Variants in ARHGAP22 observed in about 807,000 individuals in gnomAD.
The protein encoded by ARHGAP22 is rho GTPase-activating protein 22.
ARHGAP22 carries 48 observed loss-of-function variants against 59.1 expected under a neutral mutation model. The ratio of observed to expected loss-of-function variants is 0.81; its 90% CI spans 0.64 to 1.03. The LOEUF (loss-of-function observed/expected upper bound fraction) is 1.03, where lower values mean the gene tolerates loss of function less well. Ranked by LOEUF, ARHGAP22 falls within the 50% of genes least tolerant of loss-of-function variation. ARHGAP22 has a pLI of 0.00. For missense variants in ARHGAP22, 1,015 were observed against 958.7 expected, an observed-to-expected ratio of 1.06 and a Z score of -0.78; for synonymous variants, 445 against 416.4, an observed-to-expected ratio of 1.07 and a Z score of -0.84.
chr10:48,460,756 G>A (rs1388225651), intron 4 of ARHGAP22, among the ~76,000 whole-genome samples: 4 of 146,936 alleles, frequency 2.7e-5, no homozygotes, highest in Non-Finnish European at 6.0e-5. Flanking sequence ...GTACCAAGAC[G>A]TGGTATTTGC....
intron 3 of ARHGAP22, among the ~76,000 whole-genome samples, chr10:48,549,785 C>G (rs2056758188): frequency 6.6e-6 from 1 of 152,166 alleles, no homozygotes; most frequent in Admixed American, 6.5e-5. Context: ...TGAGGCCCAT[C>G]TCATTCACCC....
At chr10:48,513,207 G>A (rs569003721) in intron 3 of ARHGAP22, among the ~76,000 whole-genome samples, 1 of 152,304 alleles carries the variant, frequency 6.6e-6, no homozygotes, top group East Asian at 1.9e-4. Context: ...CTAAAGCTGT[G>A]ATACCAATTG....
intron 3 of ARHGAP22, among the ~76,000 whole-genome samples, chr10:48,509,418 C>T (rs1254416424): frequency 1.3e-5 from 2 of 152,218 alleles, no homozygotes; most frequent in African/African-American, 2.4e-5. Context: ...TGTCTACCAT[C>T]GATGGCTGTG....
intron 6 of ARHGAP22, 129 bp downstream of exon 6, chr10:48,454,873 C>A: frequency 7.8e-7 from 1 of 1,276,092 alleles, no homozygotes. Context: ...ACCACACCCC[C>A]AACACAGCAG....
chr10:48,647,225 C>A (rs189503812), intron 1 of ARHGAP22, among the ~76,000 whole-genome samples: 1 of 152,086 alleles, frequency 6.6e-6, no homozygotes, highest in East Asian at 1.9e-4. Flanking sequence ...GAAACCCTGT[C>A]TCTACTAAAA....
At chr10:48,563,414 C>T (rs1330046843) in intron 2 of ARHGAP22, among the ~76,000 whole-genome samples, 1 of 152,024 alleles carries the variant, frequency 6.6e-6, no homozygotes, top group East Asian at 1.9e-4. Context: ...AGGATGGTCT[C>T]GATCTGACCT....
intron 9 of ARHGAP22, among the ~76,000 whole-genome samples, chr10:48,448,835 G>A (rs1054315148): frequency 6.6e-5 from 10 of 152,156 alleles, no homozygotes; most frequent in African/African-American, 2.4e-4. Flanking sequence ...CTTACCTCCA[G>A]CCACCAGGCA....
intron 2 of ARHGAP22, among the ~76,000 whole-genome samples, chr10:48,571,369 G>A (rs2058382600): frequency 6.6e-6 from 1 of 152,148 alleles, no homozygotes; most frequent in Non-Finnish European, 1.5e-5. Context: ...TTCTCCAGAT[G>A]ACTTATTCAG....
At chr10:48,446,671 G>T in intron 9 of ARHGAP22, 52 bp from the exon 10 acceptor site, 1 of 1,536,536 alleles carries the variant, frequency 6.5e-7, no homozygotes, top group Non-Finnish European at 8.9e-7. Flanking sequence ...CAGGTTCACT[G>T]TCCCATGGGT....
At chr10:48,535,633 C>T (rs2055274718) in intron 3 of ARHGAP22, among the ~76,000 whole-genome samples, 1 of 152,178 alleles carries the variant, frequency 6.6e-6, no homozygotes, top group African/African-American at 2.4e-5. Context: ...CTTTGGCTGC[C>T]ACACCGGTCC....
intron 3 of ARHGAP22, among the ~76,000 whole-genome samples, chr10:48,550,788 T>G (rs980219751): frequency 1.3e-5 from 2 of 152,232 alleles, no homozygotes; most frequent in African/African-American, 4.8e-5. Context: ...CACTGGAGAA[T>G]AAACATGAAA....
intron 3 of ARHGAP22, among the ~76,000 whole-genome samples, chr10:48,480,538 G>A (rs1314353589): frequency 2.0e-5 from 3 of 152,344 alleles, no homozygotes; most frequent in Admixed American, 1.3e-4. Context: ...CCAGTAGGGT[G>A]TGAGATCCAC....
At chr10:48,640,478 A>C (rs1490083143) in intron 1 of ARHGAP22, among the ~76,000 whole-genome samples, 1 of 152,218 alleles carries the variant, frequency 6.6e-6, no homozygotes, top group Non-Finnish European at 1.5e-5. Context: ...AAGTAGCAAA[A>C]GAAAAATGTC....
At chr10:48,500,337 T>TCAAAACAAAA (rs57914169) in intron 3 of ARHGAP22, among the ~76,000 whole-genome samples, 32,948 of 148,938 alleles carry the variant, frequency 0.22, 6,116 homozygotes, top group East Asian at 0.59. Context: ...AGACTCTATC[T>TCAAAACAAAA]CAAAACAAAA....
At chr10:48,509,278 GACCCCAT>G (rs1326805022) in intron 3 of ARHGAP22, among the ~76,000 whole-genome samples, 1 of 152,152 alleles carries the variant, frequency 6.6e-6, no homozygotes, top group Non-Finnish European at 1.5e-5. Context: ...GTCTCTGCTG[GACCCCAT>G]GGGGCATCGC....
At chr10:48,518,060 A>T (rs2053462712) in intron 3 of ARHGAP22, among the ~76,000 whole-genome samples, 1 of 152,028 alleles carries the variant, frequency 6.6e-6, no homozygotes, top group Admixed American at 6.6e-5. Context: ...TCCCTTTTTG[A>T]AAAACCCCCA....
intron 1 of ARHGAP22, among the ~76,000 whole-genome samples, chr10:48,637,760 T>C (rs141712021): frequency 6.6e-6 from 1 of 152,254 alleles, no homozygotes; most frequent in East Asian, 1.9e-4. Flanking sequence ...AGGCAGAACC[T>C]GCTGGAAGGG....
chr10:48,558,343 T>TTCTTTTG, intron 2 of ARHGAP22, among the ~76,000 whole-genome samples: 1 of 150,834 alleles, frequency 6.6e-6, no homozygotes, highest in South Asian at 2.1e-4. Flanking sequence ...ATTTAATGTT[T>TTCTTTTG]TTTTTTTGTT....
At chr10:48,624,507 C>T (rs988681111) in intron 1 of ARHGAP22, 2 of 152,182 alleles carry the variant, frequency 1.3e-5, no homozygotes, top group East Asian at 3.9e-4. Context: ...AATATGTAGG[C>T]TTTACACTCC....
Sources: gnomAD v4.1 joint callset for allele counts (sites outside exome capture counted in the v4.1 genomes callset) on GRCh38, gnomAD v4.1.1 for gene constraint, MANE v1.5 for transcripts, NCBI Gene and HGNC (gene_info 2026-07-23, HGNC 2026-07-21) for gene names.